The following PIK3C3 variants were observed in gnomAD, a reference collection of about 807,000 sequenced individuals.
PIK3C3 encodes the protein phosphatidylinositol 3-kinase catalytic subunit type 3.
PIK3C3 carries 95 observed loss-of-function variants against 126.1 expected under a neutral mutation model. The observed-to-expected ratio is 0.75, with a 90% CI of 0.64 to 0.89. PIK3C3 has a LOEUF of 0.89. PIK3C3 is among the 40% of genes least tolerant of loss of function. PIK3C3 has a pLI of 0.00. For synonymous variants in PIK3C3, 374 were observed against 360.0 expected (o/e 1.04, Z -0.44); for missense variants, 829 against 1,063.2 (o/e 0.78, Z 3.06).
intron 22 of PIK3C3, among the ~76,000 whole-genome samples, chr18:42,058,902 T>C (rs1351703613): frequency 6.6e-6 from 1 of 152,234 alleles, no homozygotes; most frequent in Non-Finnish European, 1.5e-5. Flanking sequence ...GAAACATACA[T>C]ACATGCTCTT....
chr18:41,982,259 A>C (rs189606201), intron 4 of PIK3C3, among the ~76,000 whole-genome samples: 3 of 152,142 alleles, frequency 2.0e-5, no homozygotes, highest in Admixed American at 2.0e-4. Context: ...CTGTACAATC[A>C]TATAAAGGGT....
At position 42,020,646 on chromosome 18, in the gene PIK3C3, C is replaced by T; in HGVS notation, c.1425C>T (p.Leu475=). ...TCTTTTAATTCTTTCAGCAAGATCT[C>T]TGTACCTTCTTGATATCGAGAGCCT... The part of the protein sequence containing the change: ...VPDGENLEQD[L]CTFLISRACK... The change falls in exon 13 of 25, where the codon CTC becomes CTT. Residue 475 remains leucine (L), a synonymous_variant. Coordinates refer to ENST00000262039, the MANE Select transcript of PIK3C3 (RefSeq NM_002647.4). 4 of 1,598,258 alleles carry T rather than the reference C, an allele frequency of 2.5e-6. No homozygotes were observed. The highest frequency in any genetic ancestry group is 3.4e-6 in the Non-Finnish European group (4 of 1,167,218).
intron 22 of PIK3C3, among the ~76,000 whole-genome samples, chr18:42,058,506 ATTAG>A (rs1248782645): frequency 6.6e-6 from 1 of 152,186 alleles, no homozygotes; most frequent in Non-Finnish European, 1.5e-5. Flanking sequence ...TTAGAGTGAT[ATTAG>A]TTCAATCATT....
rs566824994 is a variant in PIK3C3, at chr18:42,005,988, G to A, written c.1170+1447G>A. Among the ~76,000 whole-genome samples the A allele has an allele frequency of 2.3e-4, 34 of 150,988 alleles. 2 individuals carry two copies. The South Asian group carries it at 3.9e-3, about 17-fold the overall frequency. ...CCTACTGGCTTTAACAAATCAGGGG[G>A]CTCCCATAACCCTCTCCTTGGGTGT... On this transcript the variant is annotated intron_variant, in intron 10 of 24. Coordinates refer to ENST00000262039, the MANE Select transcript of PIK3C3 (RefSeq NM_002647.4).
intron 12 of PIK3C3, among the ~76,000 whole-genome samples, chr18:42,019,178 T>C (rs1983210524): frequency 6.6e-6 from 1 of 152,132 alleles, no homozygotes; most frequent in East Asian, 1.9e-4. Flanking sequence ...AGAAGAAACA[T>C]AGCTCTCTTC....
chr18:42,033,836 T>G lies in PIK3C3; in HGVS notation c.1718T>G (p.Leu573Arg). 2 of 1,602,628 alleles carry G rather than the reference T, an allele frequency of 1.2e-6. No homozygotes were observed. The highest frequency in any genetic ancestry group is 1.7e-6 in the Non-Finnish European group (2 of 1,173,232). The stretch of plus-strand genomic sequence containing the variant: ...TCTGATTTGTTCTAGAATGAGAGAC[T>G]ACAGGCATTGCTTGGAGATAATGAA... ...SGNRKKKNER[L>R]QALLGDNEKM... Residue 573 changes from leucine (L) to arginine (R), a missense_variant, in exon 16 of 25, where the codon CTA becomes CGA. Physicochemically the swap from Leu to Arg is moderately radical, Grantham distance 102 (BLOSUM62 -2). Coordinates refer to ENST00000262039, the MANE Select transcript of PIK3C3 (RefSeq NM_002647.4).
At chr18:41,958,817 A>G (rs1451646735) in intron 2 of PIK3C3, among the ~76,000 whole-genome samples, 1 of 152,132 alleles carries the variant, frequency 6.6e-6, no homozygotes, top group African/African-American at 2.4e-5. Context: ...TTTTAAACCT[A>G]CAAAAATAGA....
chr18:42,040,574 T>A (rs1427509927), intron 18 of PIK3C3, 103 bp from the exon 19 acceptor site: 1 of 754,402 alleles, frequency 1.3e-6, no homozygotes, highest in East Asian at 2.6e-5. Context: ...TGTTCAGATA[T>A]GGAATGCATT....
intron 4 of PIK3C3, among the ~76,000 whole-genome samples, 177 bp from the exon 5 acceptor site, chr18:41,987,635 T>A (rs1981552801): frequency 6.6e-6 from 1 of 152,104 alleles, no homozygotes; most frequent in African/African-American, 2.4e-5. Context: ...TTAATTGTTT[T>A]TCTTTAAAAA....
chr18:42,016,341 A>C (rs1258422637), intron 12 of PIK3C3, among the ~76,000 whole-genome samples: 1 of 152,208 alleles, frequency 6.6e-6, no homozygotes, highest in African/African-American at 2.4e-5. Flanking sequence ...GAATCATAGA[A>C]TCCTTAGATA....
At chr18:41,986,984 G>T (rs927863593) in intron 4 of PIK3C3, among the ~76,000 whole-genome samples, 2 of 152,056 alleles carry the variant, frequency 1.3e-5, no homozygotes, top group Non-Finnish European at 2.9e-5. Context: ...ATTGGTGGCA[G>T]TGTTTGCTGT....
At position 42,081,978 on chromosome 18, in the gene PIK3C3, T is replaced by A. The variant is rs1986267082; in HGVS notation, c.*841T>A. On this transcript the variant is annotated 3_prime_UTR_variant, in exon 25 of 25. Transcript: ENST00000262039. ...AAGCTTTTTGATGTTATAAAGGAGT[T>A]GAGGAACAAAAAGCTCTTTGAAATA... 1 of 151,098 alleles carries A rather than the reference T, an allele frequency of 6.6e-6. No individual in the cohort carries two copies. Among genetic ancestry groups the A allele is most frequent in the Non-Finnish European group, 1.5e-5 (1 of 67,738 alleles). The allele number at this position is 151,098 out of a possible 1,614,324, so 9.4% of individuals were successfully genotyped here.
At chr18:41,989,365 A>T (rs1161362742) in intron 5 of PIK3C3, among the ~76,000 whole-genome samples, 1 of 151,674 alleles carries the variant, frequency 6.6e-6, no homozygotes, top group Non-Finnish European at 1.5e-5. Context: ...ATGCCTGGTG[A>T]TTTTATGTTT....
intron 9 of PIK3C3, among the ~76,000 whole-genome samples, chr18:42,003,961 C>A (rs16960213): frequency 6.6e-6 from 1 of 152,080 alleles, no homozygotes; most frequent in South Asian, 2.1e-4. Context: ...TCCGGCCCTT[C>A]GCTCAGTGGT....
intron 4 of PIK3C3, among the ~76,000 whole-genome samples, chr18:41,973,613 G>A (rs941696479): frequency 6.6e-6 from 1 of 151,874 alleles, no homozygotes; most frequent in Admixed American, 6.6e-5. Flanking sequence ...TTACAGTTGT[G>A]CCACAATAGT....
At chr18:41,965,350 T>C (rs1980303337) in intron 3 of PIK3C3, among the ~76,000 whole-genome samples, 1 of 152,200 alleles carries the variant, frequency 6.6e-6, no homozygotes, top group South Asian at 2.1e-4. Context: ...GATGTAGTTG[T>C]GGGAGGGACA....
intron 19 of PIK3C3, among the ~76,000 whole-genome samples, chr18:42,042,504 C>T (rs1231120590): frequency 1.3e-5 from 2 of 152,254 alleles, no homozygotes; most frequent in African/African-American, 2.4e-5. Context: ...TGTAAAATTT[C>T]GGTAATAACC....
intron 8 of PIK3C3, 50 bp from the exon 9 acceptor site, chr18:41,996,588 T>C (rs753708395): frequency 6.3e-6 from 5 of 788,708 alleles, no homozygotes; most frequent in Non-Finnish European, 1.0e-5. Context: ...TGGAAATATA[T>C]AGGACATGTA....
chr18:41,967,358 C>A (rs1448678047), intron 3 of PIK3C3, among the ~76,000 whole-genome samples: 1 of 152,198 alleles, frequency 6.6e-6, no homozygotes, highest in Non-Finnish European at 1.5e-5. Flanking sequence ...CCATGTGCCA[C>A]TACCATTCTC....
Sources: gnomAD v4.1 joint callset for allele counts (sites outside exome capture counted in the v4.1 genomes callset) on GRCh38, gnomAD v4.1.1 for gene constraint, MANE v1.5 for transcripts, NCBI Gene and HGNC (gene_info 2026-07-23, HGNC 2026-07-21) for gene names.